The following CIMAP3 variants were observed in gnomAD, a reference collection of about 807,000 sequenced individuals.
CIMAP3 encodes the protein ciliary microtubule associated protein 3.
chr1:111,332,249 G>A, the CIMAP3 span, among the ~76,000 whole-genome samples: 5 of 152,190 alleles, frequency 3.3e-5, no homozygotes, highest in Non-Finnish European at 5.9e-5. Flanking sequence ...GTTGGTCTGA[G>A]GATGTGTCTT....
At chr1:111,346,857 T>C in the CIMAP3 span, 1 of 1,600,278 alleles carries the variant, frequency 6.2e-7, no homozygotes, top group Non-Finnish European at 8.5e-7. Flanking sequence ...CGGAACGCGC[T>C]CACGTAGACC....
the CIMAP3 span, chr1:111,351,186 TGCATAAC>T: frequency 1.4e-6 from 1 of 702,462 alleles, no homozygotes. Context: ...TTTTTTTTTT[TGCATAAC>T]TGGGAAGACC....
the CIMAP3 span, chr1:111,346,852 C>T: frequency 1.3e-6 from 2 of 1,595,216 alleles, no homozygotes; most frequent in South Asian, 2.3e-5. Context: ...CCTCCCGGAA[C>T]GCGCTCACGT....
At chr1:111,346,541 C>T in the CIMAP3 span, 4 of 1,552,190 alleles carry the variant, frequency 2.6e-6, no homozygotes, top group African/African-American at 1.4e-5. Context: ...ACTTGCCGCG[C>T]AGGCGCGCTC....
At chr1:111,345,753 A>G in the CIMAP3 span, among the ~76,000 whole-genome samples, 7 of 152,258 alleles carry the variant, frequency 4.6e-5, no homozygotes, top group African/African-American at 1.4e-4. Context: ...TCCTAAAGCC[A>G]TCCTAAAAAT....
At chr1:111,329,167 A>G in the CIMAP3 span, among the ~76,000 whole-genome samples, 81 of 152,260 alleles carry the variant, frequency 5.3e-4, 1 homozygote, top group Middle Eastern at 3.4e-3. Context: ...AGTGTTGAAT[A>G]TAGGCCTCCA....
At chr1:111,346,247 G>T in the CIMAP3 span, 228 of 169,834 alleles carry the variant, frequency 1.3e-3, 1 homozygote, top group Non-Finnish European at 2.4e-3. Context: ...TGCCCAGGGA[G>T]TCCACCCCGG....
chr1:111,331,679 TG>T, the CIMAP3 span, among the ~76,000 whole-genome samples: 99 of 151,718 alleles, frequency 6.5e-4, no homozygotes, highest in East Asian at 2.3e-3. Context: ...AATTCTTTTT[TG>T]GGGGGGGCAT....
the CIMAP3 span, chr1:111,349,083 G>C: frequency 6.4e-6 from 1 of 155,246 alleles, no homozygotes; most frequent in Non-Finnish European, 1.4e-5. Flanking sequence ...CCATAAGGTA[G>C]GGACTGTCAT....
the CIMAP3 span, among the ~76,000 whole-genome samples, chr1:111,335,954 G>A: frequency 3.9e-5 from 6 of 152,222 alleles, no homozygotes; most frequent in Non-Finnish European, 8.8e-5. Flanking sequence ...GCACCCCCCA[G>A]TAGGGGCAGA....
At chr1:111,349,569 G>A in the CIMAP3 span, 1 of 152,452 alleles carries the variant, frequency 6.6e-6, no homozygotes, top group Non-Finnish European at 1.5e-5. Context: ...TAGAAGCATT[G>A]AGTCTTGACC....
the CIMAP3 span, among the ~76,000 whole-genome samples, chr1:111,336,024 A>C: frequency 6.6e-6 from 1 of 152,250 alleles, no homozygotes; most frequent in Non-Finnish European, 1.5e-5. Context: ...ACGATCAGAC[A>C]GCAGCATTCG....
At chr1:111,337,162 C>T in the CIMAP3 span, among the ~76,000 whole-genome samples, 1 of 152,020 alleles carries the variant, frequency 6.6e-6, no homozygotes, top group Admixed American at 6.5e-5. Flanking sequence ...GATTTTGTCA[C>T]CACCAGGCCT....
the CIMAP3 span, among the ~76,000 whole-genome samples, chr1:111,335,053 GGGA>G: frequency 7.0e-6 from 1 of 143,134 alleles, no homozygotes; most frequent in African/African-American, 2.6e-5. Flanking sequence ...ACTTGAACAT[GGGA>G]GGAGGAGGTT....
the CIMAP3 span, among the ~76,000 whole-genome samples, chr1:111,344,567 CT>C: frequency 6.6e-6 from 1 of 152,172 alleles, no homozygotes; most frequent in African/African-American, 2.4e-5. Flanking sequence ...TCTTTGATAT[CT>C]TCAAACATAT....
chr1:111,347,326 G>A, the CIMAP3 span, among the ~76,000 whole-genome samples: 36 of 152,288 alleles, frequency 2.4e-4, no homozygotes, highest in African/African-American at 8.2e-4. Context: ...GCCAGTGCCA[G>A]TTACCCTCCC....
chr1:111,339,671 G>C, the CIMAP3 span, among the ~76,000 whole-genome samples: 94 of 151,900 alleles, frequency 6.2e-4, no homozygotes, highest in Non-Finnish European at 1.1e-3. Flanking sequence ...CCTCTTCAAG[G>C]AGAACTACAA....
At chr1:111,348,503 T>A in the CIMAP3 span, 1 of 1,589,728 alleles carries the variant, frequency 6.3e-7, no homozygotes. Context: ...AATGATCTTT[T>A]TCTTGGAAAC....
the CIMAP3 span, among the ~76,000 whole-genome samples, chr1:111,337,045 A>T: frequency 6.6e-6 from 1 of 152,338 alleles, no homozygotes; most frequent in Non-Finnish European, 1.5e-5. Flanking sequence ...CCAATATTCA[A>T]CATTCTTACA....
Sources: allele counts gnomAD v4.1 joint callset (sites outside exome capture counted in the v4.1 genomes callset), GRCh38; gene constraint gnomAD v4.1.1; transcripts MANE v1.5; gene names NCBI Gene and HGNC (gene_info 2026-07-23, HGNC 2026-07-21).